Variants in GADL1 observed in about 807,000 individuals in gnomAD.
The protein encoded by GADL1 is acidic amino acid decarboxylase GADL1.
GADL1 carries 71 observed loss-of-function variants against 69.5 expected under a neutral mutation model. The observed-to-expected ratio is 1.02, with a 90% CI of 0.84 to 1.25. The LOEUF (loss-of-function observed/expected upper bound fraction) is 1.25. Ranked by LOEUF, GADL1 falls within the 50% of genes most tolerant of loss-of-function variation. The probability of loss-of-function intolerance (pLI) is 0.00; values close to 1 mark genes in which losing one functional copy is unlikely to be tolerated. For missense variants in GADL1, 737 were observed against 631.8 expected, an observed-to-expected ratio of 1.17 and a Z score of -1.79; for synonymous variants, 254 against 214.4, an observed-to-expected ratio of 1.18 and a Z score of -1.62.
intron 12 of GADL1, among the ~76,000 whole-genome samples, chr3:30,793,007 G>GT (rs1421959244): frequency 1.3e-5 from 2 of 152,126 alleles, no homozygotes; most frequent in African/African-American, 4.8e-5. Context: ...ATTGATTAAA[G>GT]TTAAAAAATG....
At chr3:30,815,129 T>C (rs1435397938) in intron 11 of GADL1, among the ~76,000 whole-genome samples, 1 of 152,138 alleles carries the variant, frequency 6.6e-6, no homozygotes, top group Non-Finnish European at 1.5e-5. Flanking sequence ...CCATAGAGAA[T>C]GGCATTTGAA....
chr3:30,740,328 G>C (rs1695598963), intron 14 of GADL1, among the ~76,000 whole-genome samples: 1 of 152,168 alleles, frequency 6.6e-6, no homozygotes, highest in East Asian at 1.9e-4. Flanking sequence ...CAAGATGTCA[G>C]CTAAGGGAAT....
intron 14 of GADL1, among the ~76,000 whole-genome samples, chr3:30,768,655 G>GT (rs1696345700): frequency 6.6e-6 from 1 of 152,102 alleles, no homozygotes; most frequent in South Asian, 2.1e-4. Flanking sequence ...AAAGGCAAAT[G>GT]TGGAAAAGTT....
chr3:30,758,963 ACT>A (rs372213409), intron 14 of GADL1, among the ~76,000 whole-genome samples: 72 of 152,026 alleles, frequency 4.7e-4, no homozygotes, highest in African/African-American at 1.4e-3. Context: ...CATTTCCAAA[ACT>A]CTCTTGCAGT....
intron 14 of GADL1, among the ~76,000 whole-genome samples, chr3:30,773,504 C>T (rs545028226): frequency 3.3e-5 from 5 of 152,094 alleles, no homozygotes; most frequent in Non-Finnish European, 7.4e-5. Flanking sequence ...TATTTTGGCA[C>T]CTCTTATGCA....
At chr3:30,734,254 T>C (rs557044309) in intron 14 of GADL1, among the ~76,000 whole-genome samples, 3 of 152,226 alleles carry the variant, frequency 2.0e-5, no homozygotes, top group Non-Finnish European at 4.4e-5. Flanking sequence ...TTAAGTATAT[T>C]CTTCAGTGGA....
chr3:30,739,327 C>T (rs895728873), intron 14 of GADL1, among the ~76,000 whole-genome samples: 1 of 152,134 alleles, frequency 6.6e-6, no homozygotes, highest in African/African-American at 2.4e-5. Flanking sequence ...CTGCACCCTC[C>T]TTCCTGTGCC....
chr3:30,735,629 G>A (rs560676104), intron 14 of GADL1, among the ~76,000 whole-genome samples: 22 of 152,310 alleles, frequency 1.4e-4, no homozygotes, highest in African/African-American at 5.3e-4. Context: ...CAGGACTTGG[G>A]CTGAGGGGAA....
intron 11 of GADL1, among the ~76,000 whole-genome samples, chr3:30,811,808 TC>T (rs1361560810): frequency 2.7e-5 from 4 of 149,260 alleles, no homozygotes; most frequent in Non-Finnish European, 6.0e-5. Flanking sequence ...TGGTTTTTTT[TC>T]CCCCCAAAAT....
rs138926665 is a variant in GADL1 at position 30,760,806 on chromosome 3, T to TG, written c.1392+17372dup. Among the ~76,000 whole-genome samples the TG allele has an allele frequency of 6.5e-3, 987 of 152,180 alleles. 18 individuals carry two copies. The highest frequency in any genetic ancestry group is 0.023 in the African/African-American group (950 of 41,512). Reference sequence around the variant, plus strand: ...ACTTCTCCACATGTTTTTCTTCAGGTGGGGGCAGGGTGATGATGGGCAGCC... The same window carrying TG: ...ACTTCTCCACATGTTTTTCTTCAGGTGGGGGGCAGGGTGATGATGGGCAGCC... On this transcript the variant is annotated intron_variant, in intron 14 of 14. Coordinates refer to ENST00000282538, the MANE Select transcript of GADL1 (RefSeq NM_207359.3).
Position 30,744,703 on chromosome 3 carries a change from C to T in GADL1, c.1393-16288G>A, listed in dbSNP as rs139188712. On this transcript the variant is annotated intron_variant, in intron 14 of 14. Transcript: ENST00000282538. ...CACTCCAGCCTGGGCAATAGAGTGG[C>T]ACACTGTCTCCAAAAAGAAAAGAAA... Among the ~76,000 whole-genome samples, 381 of 152,154 alleles carry T rather than the reference C, an allele frequency of 2.5e-3. 12 individuals are homozygous for T. In the East Asian group the frequency reaches 0.057, roughly 23 times the overall value.
intron 14 of GADL1, among the ~76,000 whole-genome samples, chr3:30,746,703 A>C (rs1360103585): frequency 6.6e-6 from 1 of 152,198 alleles, no homozygotes; most frequent in Non-Finnish European, 1.5e-5. Context: ...TCTTACACAC[A>C]GAAATGCCAA....
At position 30,766,669 on chromosome 3, in the gene GADL1, AGT is replaced by A. The variant is rs577816427; in HGVS notation, c.1392+11508_1392+11509del. On this transcript the variant is annotated intron_variant, in intron 14 of 14. Coordinates refer to ENST00000282538, the MANE Select transcript of GADL1 (RefSeq NM_207359.3). Reference sequence around the variant, plus strand: ...TCCAGGTTTTTCTGACTGCCAAGCCAGTGTGTTTTTGATGACAGTGATAGGCT... The same window carrying A: ...TCCAGGTTTTTCTGACTGCCAAGCCAGTGTTTTTGATGACAGTGATAGGCT... Among the ~76,000 whole-genome samples, 99 of 152,220 alleles carry A rather than the reference AGT, an allele frequency of 6.5e-4. No individual in the cohort carries two copies. The Middle Eastern group carries it at 0.014, about 21-fold the overall frequency.
intron 5 of GADL1, among the ~76,000 whole-genome samples, 156 bp from the exon 6 acceptor site, chr3:30,850,267 T>C (rs1053343393): frequency 2.0e-5 from 3 of 152,140 alleles, no homozygotes; most frequent in Non-Finnish European, 4.4e-5. Context: ...GCTCCCATTA[T>C]TCTGAATATT....
chr3:30,863,580 C>A (rs562309478), intron 1 of GADL1, among the ~76,000 whole-genome samples: 1 of 152,066 alleles, frequency 6.6e-6, no homozygotes, highest in Non-Finnish European at 1.5e-5. Flanking sequence ...CAGTATGTTT[C>A]TCCACCTTAT....
In GADL1 at chr3:30,878,901, T is replaced by C. The variant is rs541468975; in HGVS notation, c.37+15677A>G. Reference sequence around the variant, plus strand: ...TCCAATCTGGTTAAAACATGATATATAGTAAGTTAAACAGTTCGTTTAGGC... The same window carrying C: ...TCCAATCTGGTTAAAACATGATATACAGTAAGTTAAACAGTTCGTTTAGGC... On this transcript the variant is annotated intron_variant, in intron 1 of 14. Coordinates refer to ENST00000282538, the MANE Select transcript of GADL1 (RefSeq NM_207359.3). Among the ~76,000 whole-genome samples the C allele has an allele frequency of 5.3e-5, 8 of 151,960 alleles. No individual in the cohort carries two copies. In the South Asian group the frequency reaches 1.0e-3, roughly 20 times the overall value.
At chr3:30,892,796 T>C (rs1698802172) in intron 1 of GADL1, among the ~76,000 whole-genome samples, 1 of 152,240 alleles carries the variant, frequency 6.6e-6, no homozygotes, top group Admixed American at 6.5e-5. Context: ...TCTCCTGTAT[T>C]ATTAGGATTC....
At chr3:30,790,971 T>C (rs990596087) in intron 12 of GADL1, among the ~76,000 whole-genome samples, 2 of 151,770 alleles carry the variant, frequency 1.3e-5, no homozygotes, top group African/African-American at 2.4e-5. Flanking sequence ...TTCTGAGAAA[T>C]GGGGATGATT....
intron 14 of GADL1, among the ~76,000 whole-genome samples, chr3:30,750,197 G>A (rs1045944432): frequency 6.6e-6 from 1 of 152,150 alleles, no homozygotes; most frequent in Non-Finnish European, 1.5e-5. Context: ...GACAGAAGGC[G>A]CTAAAATTAC....
Sources: gnomAD v4.1 joint callset for allele counts (sites outside exome capture counted in the v4.1 genomes callset) on GRCh38, gnomAD v4.1.1 for gene constraint, MANE v1.5 for transcripts, NCBI Gene and HGNC (gene_info 2026-07-23, HGNC 2026-07-21) for gene names.